RYR3: variants seen among roughly 807,000 people sequenced by gnomAD.
RYR3 encodes brain ryanodine receptor-calcium release channel.
RYR3 carries 207 observed loss-of-function variants against 584.3 expected under a neutral mutation model. The ratio of observed to expected loss-of-function variants is 0.35; its 90% CI spans 0.32 to 0.40. RYR3 has a LOEUF of 0.40. Among genes scored for constraint, RYR3 ranks in the 10% least tolerant of loss-of-function variants. RYR3 has a pLI of 1.00. For synonymous variants in RYR3, 2,416 were observed against 2,248.5 expected (o/e 1.07, Z -2.11); for missense variants, 5,616 against 6,089.2 (o/e 0.92, Z 2.59).
At chr15:33,452,452 A>G (rs1408861799) in intron 1 of RYR3, among the ~76,000 whole-genome samples, 2 of 152,216 alleles carry the variant, frequency 1.3e-5, no homozygotes, top group Non-Finnish European at 2.9e-5. Context: ...TTTAGAAATA[A>G]TATGTCTATG....
chr15:33,855,742 ATAGTT>A (rs2079587953), intron 98 of RYR3: 1 of 152,240 alleles, frequency 6.6e-6, no homozygotes, highest in Non-Finnish European at 1.5e-5. Flanking sequence ...TATACATTAT[ATAGTT>A]AATACATATT....
At position 33,623,953 on chromosome 15, in the gene RYR3, G is replaced by A; in HGVS notation, c.2504G>A (p.Arg835Lys). 1 of 1,614,002 alleles carries A rather than the reference G, an allele frequency of 6.2e-7. No individual in the cohort carries two copies. The highest frequency in any genetic ancestry group is 1.1e-5 in the South Asian group (1 of 91,088). ...TATAAACGTGATGCTGATGGCATTA[G>A]AGATCTCTTGGGTACCACCCAGTTC... ...KEYKRDADGI[R>K]DLLGTTQFLS... Residue 835 changes from arginine to lysine, a missense_variant, in exon 20 of 104, where the codon AGA (arginine) becomes AAA (lysine). Arg to Lys is a conservative substitution (Grantham distance 26, BLOSUM62 2). Transcript: ENST00000634891.
chr15:33,687,214 C>T (rs995008407), intron 38 of RYR3, among the ~76,000 whole-genome samples: 5 of 152,232 alleles, frequency 3.3e-5, no homozygotes, highest in African/African-American at 1.2e-4. Context: ...GCAACTTCAG[C>T]AAAGTCTCAG....
chr15:33,681,947 C>T (rs1029051269), intron 38 of RYR3, among the ~76,000 whole-genome samples: 2 of 149,664 alleles, frequency 1.3e-5, no homozygotes, highest in African/African-American at 5.1e-5. Flanking sequence ...TACTTCATTG[C>T]GTGATGGCCA....
At chr15:33,515,967 G>T (rs2053481831) in intron 3 of RYR3, among the ~76,000 whole-genome samples, 1 of 152,042 alleles carries the variant, frequency 6.6e-6, no homozygotes, top group South Asian at 2.1e-4. Context: ...ATATATCCCT[G>T]TATAAAAGGA....
chr15:33,551,190 A>C (rs1026250375), intron 10 of RYR3, among the ~76,000 whole-genome samples: 1 of 152,244 alleles, frequency 6.6e-6, no homozygotes, highest in Non-Finnish European at 1.5e-5. Context: ...TCATCCAAGC[A>C]TGAGAAGGGC....
At position 33,785,676 on chromosome 15, in the gene RYR3, G is replaced by A. The variant is rs2074663035; in HGVS notation, c.9283G>A (p.Asp3095Asn). The stretch of plus-strand genomic sequence containing the variant: ...CTCTCAATCAGTTCTGGGGATGCCA[G>A]ACACGGTAGAAGACATGTGTCCTGA... ...PRERSILGMP[D>N]TVEDMCPDIP... The change falls in exon 66 of 104, where the codon GAC becomes AAC. Residue 3095 changes from aspartate (D) to asparagine (N), a missense_variant. By Grantham distance (23) the Asp-to-Asn change is conservative. Transcript: ENST00000634891. 6.3e-7 allele frequency: 1 copy of A among 1,596,606 alleles called. No homozygotes were observed. Among genetic ancestry groups the A allele is most frequent in the Non-Finnish European group, 8.5e-7 (1 of 1,169,988 alleles).
chr15:33,445,698 C>T (rs897165361), intron 1 of RYR3, among the ~76,000 whole-genome samples: 8 of 151,150 alleles, frequency 5.3e-5, no homozygotes, highest in Admixed American at 4.6e-4. Context: ...CACACACACA[C>T]ACACACACAC....
At chr15:33,811,958 G>T (rs558289075) in intron 72 of RYR3, among the ~76,000 whole-genome samples, 1 of 151,836 alleles carries the variant, frequency 6.6e-6, no homozygotes, top group Non-Finnish European at 1.5e-5. Context: ...TTTCCTTTCC[G>T]CCCCAAACAT....
chr15:33,660,217 G>C lies in RYR3; in HGVS notation c.4416G>C (p.Ala1472=). 1 of 1,552,194 alleles carries C rather than the reference G, an allele frequency of 6.4e-7. No homozygotes were observed. Among genetic ancestry groups the C allele is most frequent in the Non-Finnish European group, 8.7e-7 (1 of 1,147,264 alleles). Residue 1472 remains alanine, a synonymous_variant, in exon 34 of 104, where the codon GCG becomes GCC. Coordinates refer to ENST00000634891, the MANE Select transcript of RYR3 (RefSeq NM_001036.6). ...GKLKNAMPLS[A]AIFRSEEKNP... ...CCCAGAACGCAATGCCCCTGTCAGC[G>C]GCCATATTCAGGAGTGAAGAGAAGA...
intron 2 of RYR3, among the ~76,000 whole-genome samples, chr15:33,492,706 C>A (rs1284217608): frequency 6.6e-6 from 1 of 152,128 alleles, no homozygotes; most frequent in Non-Finnish European, 1.5e-5. Context: ...GAGGTGCTCC[C>A]AAAGTGATAA....
chr15:33,747,407 A>C (rs963157617), intron 53 of RYR3, among the ~76,000 whole-genome samples: 2 of 106,704 alleles, frequency 1.9e-5, no homozygotes, highest in African/African-American at 3.4e-5. Flanking sequence ...ACGGAGTTTC[A>C]CTGTTGTCAC....
intron 31 of RYR3, among the ~76,000 whole-genome samples, chr15:33,651,309 T>C (rs1402421756): frequency 6.6e-6 from 1 of 152,248 alleles, no homozygotes; most frequent in Non-Finnish European, 1.5e-5. Flanking sequence ...TTAATTGTAT[T>C]CTGTATTAGT....
chr15:33,545,436 T>C (rs2056164304), intron 8 of RYR3, among the ~76,000 whole-genome samples: 1 of 152,102 alleles, frequency 6.6e-6, no homozygotes, highest in Non-Finnish European at 1.5e-5. Context: ...ATCATTTAAA[T>C]AAACATGAAG....
chr15:33,348,655 T>A (rs1268655063), intron 1 of RYR3, among the ~76,000 whole-genome samples: 1 of 152,080 alleles, frequency 6.6e-6, no homozygotes, highest in Non-Finnish European at 1.5e-5. Flanking sequence ...TTTGTATTTT[T>A]AGTAGAGACA....
chr15:33,423,492 G>GAT (rs2141632487), intron 1 of RYR3, among the ~76,000 whole-genome samples: 1 of 152,218 alleles, frequency 6.6e-6, no homozygotes, highest in Admixed American at 6.5e-5. Context: ...AGTTCCTTTG[G>GAT]ATATATACCT....
intron 1 of RYR3, among the ~76,000 whole-genome samples, chr15:33,392,055 AG>A (rs1394656895): frequency 6.6e-6 from 1 of 152,098 alleles, no homozygotes; most frequent in Non-Finnish European, 1.5e-5. Flanking sequence ...CTTTGTTTTC[AG>A]AGCACCTATC....
At chr15:33,850,066 C>G (rs1020939109) in intron 94 of RYR3, 1 of 152,146 alleles carries the variant, frequency 6.6e-6, no homozygotes, top group Non-Finnish European at 1.5e-5. Context: ...GGCATGTGGC[C>G]TAAAAGTCCC....
chr15:33,450,007 T>C (rs2046977427), intron 1 of RYR3, among the ~76,000 whole-genome samples: 2 of 144,528 alleles, frequency 1.4e-5, no homozygotes, highest in African/African-American at 5.2e-5. Flanking sequence ...CCTTCCCTTC[T>C]AGAGGCAAAG....
Sources: allele counts gnomAD v4.1 joint callset (sites outside exome capture counted in the v4.1 genomes callset), GRCh38; gene constraint gnomAD v4.1.1; transcripts MANE v1.5; gene names NCBI Gene and HGNC (gene_info 2026-07-23, HGNC 2026-07-21).